RORA: variants seen among roughly 807,000 people sequenced by gnomAD.
The protein encoded by RORA is nuclear receptor ROR-alpha.
A neutral mutation model predicts 69.5 loss-of-function variants in RORA; 7 were observed. The observed-to-expected ratio is 0.10, with a 90% CI of 0.06 to 0.19. The LOEUF (loss-of-function observed/expected upper bound fraction) is 0.19, where lower values mean the gene tolerates loss of function less well. RORA is among the 10% of genes least tolerant of loss of function. The pLI, the probability that RORA is intolerant of heterozygous loss-of-function variation, is 1.00. For missense variants in RORA, 457 were observed against 663.0 expected (o/e 0.69, Z 3.41); for synonymous variants, 261 against 240.8 (o/e 1.08, Z -0.78).
intron 1 of RORA, among the ~76,000 whole-genome samples, chr15:60,826,285 A>T (rs1422111400): frequency 2.0e-5 from 3 of 152,224 alleles, no homozygotes; most frequent in Non-Finnish European, 2.9e-5. Flanking sequence ...AGGATTAATG[A>T]ATGAACAAAC....
At chr15:61,044,946 T>C (rs1896952859) in intron 1 of RORA, among the ~76,000 whole-genome samples, 1 of 152,222 alleles carries the variant, frequency 6.6e-6, no homozygotes, top group African/African-American at 2.4e-5. Flanking sequence ...AATGAATAAA[T>C]GAGTTATGTC....
In RORA at chr15:61,128,924, G is replaced by A. The variant is rs927442216; in HGVS notation, c.166+100129C>T. Reference sequence around the variant, plus strand: ...GAAGAGACACTGGCCGTGGCACCACGTGCCTGCCTTGGGCCCACTCCCTTC... The same window carrying A: ...GAAGAGACACTGGCCGTGGCACCACATGCCTGCCTTGGGCCCACTCCCTTC... On this transcript the variant is annotated intron_variant, in intron 1 of 10. Coordinates refer to ENST00000335670, the MANE Select transcript of RORA (RefSeq NM_134261.3). The surrounding 1 kb of genome is among the most constrained non-coding windows in gnomAD (Gnocchi z 4.5). 2.6e-5 allele frequency among the ~76,000 whole-genome samples: 4 copies of A among 152,216 alleles called. No individual in the cohort carries two copies. Among genetic ancestry groups the A allele is most frequent in the African/African-American group, 7.2e-5 (3 of 41,450 alleles).
At chr15:61,092,940 A>G (rs1288897299) in intron 1 of RORA, among the ~76,000 whole-genome samples, 2 of 152,164 alleles carry the variant, frequency 1.3e-5, no homozygotes, top group African/African-American at 4.8e-5. Flanking sequence ...GTGACAGAGT[A>G]GGTGAATGCT....
chr15:61,186,073 A>G (rs563123213), intron 1 of RORA, among the ~76,000 whole-genome samples: 1 of 152,350 alleles, frequency 6.6e-6, no homozygotes, highest in Admixed American at 6.5e-5. Context: ...AAAACGTGAA[A>G]AATTAACCAC....
At chr15:60,803,010 C>T (rs2072609614) in intron 1 of RORA, among the ~76,000 whole-genome samples, 1 of 152,092 alleles carries the variant, frequency 6.6e-6, no homozygotes, top group African/African-American at 2.4e-5. Flanking sequence ...ATGGACAACT[C>T]CAACAAAAGA....
At chr15:61,091,545 A>C (rs1185505064) in intron 1 of RORA, among the ~76,000 whole-genome samples, 2 of 152,222 alleles carry the variant, frequency 1.3e-5, no homozygotes, top group Non-Finnish European at 2.9e-5. Context: ...GCTCCGGCAG[A>C]AGATGCCATG....
intron 4 of RORA, among the ~76,000 whole-genome samples, chr15:60,512,298 T>C (rs2065727139): frequency 6.6e-6 from 1 of 152,278 alleles, no homozygotes. Flanking sequence ...TAGTTAGTTA[T>C]TTTGAGACAG....
At chr15:61,007,969 G>C (rs186385437) in intron 1 of RORA, among the ~76,000 whole-genome samples, 1 of 151,228 alleles carries the variant, frequency 6.6e-6, no homozygotes, top group East Asian at 1.9e-4. Flanking sequence ...GAGCTTGTTC[G>C]TGTATTTCTT....
intron 1 of RORA, among the ~76,000 whole-genome samples, chr15:61,154,899 G>A (rs1356053294): frequency 1.3e-5 from 2 of 152,176 alleles, no homozygotes; most frequent in Non-Finnish European, 2.9e-5. Context: ...CTCTCGCATT[G>A]TGAAAGGGAG....
chr15:60,681,320 G>C (rs1466063257), intron 1 of RORA, among the ~76,000 whole-genome samples: 2 of 150,848 alleles, frequency 1.3e-5, no homozygotes. Flanking sequence ...TAGTGTAGAT[G>C]TACCCTCAAA....
intron 1 of RORA, among the ~76,000 whole-genome samples, chr15:61,000,967 T>A (rs1468915905): frequency 6.6e-6 from 1 of 152,186 alleles, no homozygotes; most frequent in Non-Finnish European, 1.5e-5. Context: ...CTCCAGCTCA[T>A]GATGATCTTT....
intron 1 of RORA, among the ~76,000 whole-genome samples, chr15:60,833,843 A>G (rs1329688566): frequency 2.0e-5 from 3 of 152,224 alleles, no homozygotes; most frequent in Admixed American, 6.5e-5. Flanking sequence ...GGGTTCCAAG[A>G]CTTGCCTCTT....
At chr15:60,624,380 G>T (rs543007311) in intron 2 of RORA, among the ~76,000 whole-genome samples, 17 of 148,398 alleles carry the variant, frequency 1.1e-4, no homozygotes, top group African/African-American at 4.2e-4. Context: ...AAAGACCTTA[G>T]CATATCTTCC....
intron 1 of RORA, among the ~76,000 whole-genome samples, chr15:60,870,872 C>T (rs534796025): frequency 3.3e-5 from 5 of 152,346 alleles, no homozygotes; most frequent in African/African-American, 9.6e-5. Flanking sequence ...AGTCCTAATC[C>T]TATTGTTCTT....
intron 1 of RORA, among the ~76,000 whole-genome samples, chr15:61,003,680 T>A (rs938038473): frequency 6.6e-6 from 1 of 152,176 alleles, no homozygotes; most frequent in Non-Finnish European, 1.5e-5. Context: ...TCATGTCCTT[T>A]CAACTACAAA....
At chr15:60,675,493 G>C (rs950387230) in intron 2 of RORA, among the ~76,000 whole-genome samples, 1 of 152,132 alleles carries the variant, frequency 6.6e-6, no homozygotes, top group African/African-American at 2.4e-5. Context: ...AGAATTCCTT[G>C]AACAATTTGG....
At chr15:60,830,040 G>A (rs2073021496) in intron 1 of RORA, among the ~76,000 whole-genome samples, 1 of 152,194 alleles carries the variant, frequency 6.6e-6, no homozygotes, top group African/African-American at 2.4e-5. Flanking sequence ...CTGAGCACAT[G>A]ACTTTGTGTT....
intron 1 of RORA, among the ~76,000 whole-genome samples, chr15:60,965,980 C>T (rs1053337496): frequency 6.6e-5 from 10 of 152,152 alleles, no homozygotes; most frequent in Non-Finnish European, 1.5e-4. Flanking sequence ...AACAAAGTAA[C>T]CACCCAGTCT....
intron 1 of RORA, among the ~76,000 whole-genome samples, chr15:60,853,195 A>T (rs1192555028): frequency 6.6e-6 from 1 of 152,208 alleles, no homozygotes; most frequent in Non-Finnish European, 1.5e-5. Context: ...CACAGAAAAG[A>T]AAGTGCTGCC....
Sources: allele counts gnomAD v4.1 joint callset (sites outside exome capture counted in the v4.1 genomes callset), GRCh38; gene constraint gnomAD v4.1.1; non-coding constraint Gnocchi (gnomAD v3.1); transcripts MANE v1.5; gene names NCBI Gene and HGNC (gene_info 2026-07-23, HGNC 2026-07-21).